ZCWPW2: variants seen among roughly 807,000 people sequenced by gnomAD.
ZCWPW2 encodes zinc finger CW-type and PWWP domain containing 2.
Under a neutral mutation model 46.6 loss-of-function variants are expected in ZCWPW2, and 45 were observed. The observed-to-expected ratio is 0.96, with a 90% CI of 0.76 to 1.24. The LOEUF (loss-of-function observed/expected upper bound fraction) is 1.24. Among genes scored for constraint, ZCWPW2 ranks in the 50% most tolerant of loss-of-function variants. ZCWPW2 has a pLI of 0.00. For missense variants in ZCWPW2, 429 were observed against 403.9 expected, an observed-to-expected ratio of 1.06 and a Z score of -0.53; for synonymous variants, 152 against 137.1, an observed-to-expected ratio of 1.11 and a Z score of -0.76.
chr3:28,518,205 CT>C (rs71091004), intron 8 of ZCWPW2, among the ~76,000 whole-genome samples: 28,155 of 129,728 alleles, frequency 0.22, 3,131 homozygotes, highest in Middle Eastern at 0.29. Flanking sequence ...TCTTTCATTT[CT>C]TTTTTTTTTT....
chr3:28,467,392 C>A (rs567701995), intron 4 of ZCWPW2, among the ~76,000 whole-genome samples: 1 of 151,920 alleles, frequency 6.6e-6, no homozygotes, highest in Non-Finnish European at 1.5e-5. Flanking sequence ...ATTATACGTA[C>A]TAACACAGGA....
intron 4 of ZCWPW2, chr3:28,478,325 C>G: frequency 3.1e-6 from 1 of 323,810 alleles, no homozygotes; most frequent in South Asian, 2.4e-5. Context: ...ATCACTGCAG[C>G]ATCTGCCTCC....
intron 4 of ZCWPW2, among the ~76,000 whole-genome samples, chr3:28,466,936 C>A (rs1456009895): frequency 1.3e-5 from 2 of 151,602 alleles, no homozygotes; most frequent in East Asian, 1.9e-4. Flanking sequence ...TTAAAAAAAA[C>A]AATTGAGACT....
chr3:28,413,040 CT>C lies in ZCWPW2; in HGVS notation c.-13-13del, dbSNP rs1262365430. 6.9e-5 allele frequency: 108 copies of C among 1,568,144 alleles called. No individual in the cohort carries two copies. The highest frequency in any genetic ancestry group is 8.3e-5 in the Non-Finnish European group (96 of 1,156,248). ...TGAATCCTCATTCTGTTATTTTCCT[CT>C]TTCTTATTTTCCAGATTAAATGCCT... On this transcript the variant is annotated splice_polypyrimidine_tract_variant and intron_variant, in intron 2 of 9. Coordinates refer to ENST00000383768, the MANE Select transcript of ZCWPW2 (RefSeq NM_001040432.4).
chr3:28,483,696 G>A (rs1247773578), intron 5 of ZCWPW2, among the ~76,000 whole-genome samples: 2 of 151,958 alleles, frequency 1.3e-5, no homozygotes, highest in Non-Finnish European at 1.5e-5. Flanking sequence ...TTTAGATCTT[G>A]TATTTCTTTT....
chr3:28,395,435 A>T (rs1051662087), intron 2 of ZCWPW2, among the ~76,000 whole-genome samples: 1 of 152,192 alleles, frequency 6.6e-6, no homozygotes, highest in Admixed American at 6.5e-5. Context: ...TGAAAACAGG[A>T]CCTGGAAGAG....
intron 4 of ZCWPW2, among the ~76,000 whole-genome samples, chr3:28,436,440 T>A (rs1478989951): frequency 6.7e-6 from 1 of 150,288 alleles, no homozygotes; most frequent in African/African-American, 2.5e-5. Flanking sequence ...CCCAGCTGGA[T>A]GTTTTTTGTT....
At chr3:28,353,260 A>G (rs1404968506) in intron 1 of ZCWPW2, among the ~76,000 whole-genome samples, 1 of 152,164 alleles carries the variant, frequency 6.6e-6, no homozygotes, top group Non-Finnish European at 1.5e-5. Context: ...AAAGTGTTCT[A>G]GTCATTTAAT....
chr3:28,426,803 T>C (rs1270908527), intron 3 of ZCWPW2, among the ~76,000 whole-genome samples: 1 of 152,210 alleles, frequency 6.6e-6, no homozygotes, highest in East Asian at 1.9e-4. Context: ...AAGTTTGCTC[T>C]CCACTTATAC....
chr3:28,395,048 C>A (rs749179408), intron 2 of ZCWPW2, among the ~76,000 whole-genome samples: 18 of 152,062 alleles, frequency 1.2e-4, no homozygotes, highest in Non-Finnish European at 2.1e-4. Flanking sequence ...GGAATTCATA[C>A]AATTCTGTAG....
At chr3:28,450,766 G>T (rs933380294) in intron 4 of ZCWPW2, among the ~76,000 whole-genome samples, 5 of 152,058 alleles carry the variant, frequency 3.3e-5, no homozygotes, top group African/African-American at 1.2e-4. Context: ...GAGATCATTT[G>T]GGTGTTTATC....
At chr3:28,406,025 G>C (rs1696144581) in intron 2 of ZCWPW2, among the ~76,000 whole-genome samples, 1 of 152,198 alleles carries the variant, frequency 6.6e-6, no homozygotes, top group South Asian at 2.1e-4. Context: ...TCATGTTCTA[G>C]TGTTTTGTGG....
At chr3:28,360,009 A>G (rs566568893) in intron 1 of ZCWPW2, among the ~76,000 whole-genome samples, 65 of 152,292 alleles carry the variant, frequency 4.3e-4, no homozygotes, top group Non-Finnish European at 7.1e-4. Flanking sequence ...CAATAATTAC[A>G]TTAAATATAA....
intron 1 of ZCWPW2, among the ~76,000 whole-genome samples, chr3:28,389,455 A>G (rs1006058261): frequency 2.0e-5 from 3 of 152,174 alleles, no homozygotes; most frequent in Non-Finnish European, 4.4e-5. Flanking sequence ...CTTGGCTTTT[A>G]TAAGTGCTTA....
chr3:28,457,102 T>C (rs1304698781), intron 4 of ZCWPW2, among the ~76,000 whole-genome samples: 3 of 152,158 alleles, frequency 2.0e-5, no homozygotes, highest in African/African-American at 4.8e-5. Context: ...TATCTTCTAG[T>C]AAAGGATCAG....
chr3:28,458,132 T>C (rs2125785758), intron 4 of ZCWPW2, among the ~76,000 whole-genome samples: 1 of 152,280 alleles, frequency 6.6e-6, no homozygotes, highest in Non-Finnish European at 1.5e-5. Flanking sequence ...TGAAACAATA[T>C]CGTTTTGTAG....
At chr3:28,435,778 G>A (rs768857762) in intron 4 of ZCWPW2, among the ~76,000 whole-genome samples, 4 of 151,952 alleles carry the variant, frequency 2.6e-5, no homozygotes, top group South Asian at 2.1e-4. Context: ...GAGCCACTGC[G>A]CCCAGCCTTA....
intron 4 of ZCWPW2, among the ~76,000 whole-genome samples, chr3:28,453,799 A>G (rs980023055): frequency 1.5e-4 from 19 of 128,328 alleles, no homozygotes; most frequent in East Asian, 2.8e-4. Context: ...AATTGTGTAT[A>G]TTTATTTATT....
chr3:28,351,740 T>C (rs1704560558), intron 1 of ZCWPW2: 1 of 149,006 alleles, frequency 6.7e-6, no homozygotes, highest in South Asian at 2.1e-4. Context: ...GTTTCTTTGT[T>C]GTATATTCTG....
Sources: gnomAD v4.1 joint callset for allele counts (sites outside exome capture counted in the v4.1 genomes callset) on GRCh38, gnomAD v4.1.1 for gene constraint, MANE v1.5 for transcripts, NCBI Gene and HGNC (gene_info 2026-07-23, HGNC 2026-07-21) for gene names.